The following CAPN5 variants were observed in gnomAD, a reference collection of about 807,000 sequenced individuals.
The protein encoded by CAPN5 is calpain-5.
In CAPN5, 54 loss-of-function variants were observed where a neutral mutation model predicts 73.0. The observed-to-expected ratio is 0.74, with a 90% CI of 0.59 to 0.93. The LOEUF is 0.93. Among genes scored for constraint, CAPN5 ranks in the 40% least tolerant of loss-of-function variants. The probability of loss-of-function intolerance (pLI) is 0.00; values close to 1 mark genes in which losing one functional copy is unlikely to be tolerated. For missense variants in CAPN5, 785 were observed against 882.9 expected (o/e 0.89, Z 1.41); for synonymous variants, 335 against 356.9 (o/e 0.94, Z 0.69).
intron 1 of CAPN5, chr11:77,073,188 T>A: frequency 9.3e-7 from 1 of 1,080,104 alleles, no homozygotes; most frequent in Non-Finnish European, 1.3e-6. Flanking sequence ...TTCCTGGATG[T>A]GGTTCTTTCA....
At chr11:77,117,568 T>C (rs1431765564) in intron 7 of CAPN5, among the ~76,000 whole-genome samples, 1 of 152,234 alleles carries the variant, frequency 6.6e-6, no homozygotes, top group East Asian at 1.9e-4. Flanking sequence ...TCCTTGCCTT[T>C]AGAAAGAGTT....
chr11:77,072,288 C>T (rs745978744), intron 1 of CAPN5, among the ~76,000 whole-genome samples: 2 of 152,212 alleles, frequency 1.3e-5, no homozygotes, highest in African/African-American at 2.4e-5. Context: ...TTTGAGATCC[C>T]GTTTTGTTGC....
At chr11:77,078,204 T>C (rs1028884658) in intron 1 of CAPN5, among the ~76,000 whole-genome samples, 7 of 152,228 alleles carry the variant, frequency 4.6e-5, no homozygotes, top group Non-Finnish European at 8.8e-5. Context: ...TCAGGTCTTA[T>C]ATTTAAGTCT....
chr11:77,097,470 T>TTTG (rs1224950979), intron 3 of CAPN5, among the ~76,000 whole-genome samples: 3 of 136,942 alleles, frequency 2.2e-5, no homozygotes, highest in South Asian at 2.3e-4. Context: ...TCTAGTTTTT[T>TTTG]TTTTTTTTTT....
chr11:77,101,253 T>G (rs1185657760), intron 3 of CAPN5, among the ~76,000 whole-genome samples: 3 of 152,110 alleles, frequency 2.0e-5, no homozygotes, highest in Admixed American at 6.5e-5. Flanking sequence ...CTTCCTACCC[T>G]CTCAGGACTG....
intron 3 of CAPN5, among the ~76,000 whole-genome samples, chr11:77,096,045 C>T (rs782624726): frequency 2.0e-5 from 3 of 151,362 alleles, no homozygotes; most frequent in African/African-American, 4.9e-5. Context: ...CTGCGCCTTC[C>T]GTCCCTCGTC....
chr11:77,085,265 C>A (rs1488517387), intron 2 of CAPN5, among the ~76,000 whole-genome samples: 1 of 152,170 alleles, frequency 6.6e-6, no homozygotes, highest in South Asian at 2.1e-4. Context: ...TGAGGCCCAG[C>A]CAGGCCTTCA....
At chr11:77,073,035 C>G in intron 1 of CAPN5, 1 of 1,273,046 alleles carries the variant, frequency 7.9e-7, no homozygotes, top group Non-Finnish European at 1.0e-6. Flanking sequence ...GCCCCCACCC[C>G]ACCCCGGGTG....
At chr11:77,074,775 C>G (rs2135409134) in intron 1 of CAPN5, among the ~76,000 whole-genome samples, 1 of 152,314 alleles carries the variant, frequency 6.6e-6, no homozygotes, top group Middle Eastern at 3.4e-3. Context: ...ACTCACTCTG[C>G]CAGGCCTGTG....
intron 2 of CAPN5, among the ~76,000 whole-genome samples, chr11:77,090,561 G>A (rs1484467377): frequency 2.0e-5 from 3 of 152,324 alleles, no homozygotes; most frequent in South Asian, 2.1e-4. Flanking sequence ...ACATCACTGC[G>A]CTGTCCTGGG....
At chr11:77,114,045 G>A (rs568172952) in intron 4 of CAPN5, among the ~76,000 whole-genome samples, 197 bp from the exon 5 acceptor site, 4 of 150,234 alleles carry the variant, frequency 2.7e-5, no homozygotes, top group Non-Finnish European at 4.4e-5. Context: ...GAGCCACTAA[G>A]GCTTAGGGGA....
intron 2 of CAPN5, among the ~76,000 whole-genome samples, chr11:77,088,740 GC>G (rs1950118300): frequency 6.6e-6 from 1 of 152,180 alleles, no homozygotes; most frequent in Admixed American, 6.5e-5. Flanking sequence ...TGCAGATATA[GC>G]CCAGGTGCCA....
intron 10 of CAPN5, among the ~76,000 whole-genome samples, chr11:77,121,569 C>G (rs1555042795): frequency 6.6e-6 from 1 of 152,252 alleles, no homozygotes; most frequent in African/African-American, 2.4e-5. Flanking sequence ...TTTGGGCAAG[C>G]CCTTCACCTG....
At chr11:77,118,828 C>A (rs949807972) in intron 8 of CAPN5, among the ~76,000 whole-genome samples, 3 of 152,204 alleles carry the variant, frequency 2.0e-5, no homozygotes, top group Non-Finnish European at 4.4e-5. Context: ...AGAGTGGCCA[C>A]CCTGGCATTG....
At chr11:77,100,671 C>G (rs1950274871) in intron 3 of CAPN5, among the ~76,000 whole-genome samples, 1 of 152,222 alleles carries the variant, frequency 6.6e-6, no homozygotes, top group Non-Finnish European at 1.5e-5. Flanking sequence ...GACTCCCACC[C>G]TCAGCCCACT....
intron 12 of CAPN5, among the ~76,000 whole-genome samples, chr11:77,123,339 C>T (rs1178480740): frequency 2.0e-5 from 3 of 152,170 alleles, no homozygotes; most frequent in African/African-American, 7.2e-5. Context: ...CTGTATGTCT[C>T]AGGGCTGGAA....
chr11:77,120,618 C>G, intron 9 of CAPN5, 95 bp from the exon 10 acceptor site: 1 of 754,866 alleles, frequency 1.3e-6, no homozygotes, highest in South Asian at 1.8e-5. Flanking sequence ...AAAGGGATTC[C>G]ATCGTCCCTT....
chr11:77,088,207 A>G, intron 2 of CAPN5: 1 of 1,029,714 alleles, frequency 9.7e-7, no homozygotes, highest in Non-Finnish European at 1.4e-6. Context: ...ATGAACAGAC[A>G]CTGGTTTTGG....
intron 1 of CAPN5, among the ~76,000 whole-genome samples, chr11:77,067,632 C>CGTGTGTGTGTGTGTGT (rs71043542): frequency 0.016 from 1,972 of 126,686 alleles, 38 homozygotes; most frequent in East Asian, 0.023. Context: ...GGCGGGCGCA[C>CGTGTGTGTGTGTGTGT]GTGTGTGTGT....
Sources: gnomAD v4.1 joint callset for allele counts (sites outside exome capture counted in the v4.1 genomes callset) on GRCh38, gnomAD v4.1.1 for gene constraint, MANE v1.5 for transcripts, NCBI Gene and HGNC (gene_info 2026-07-23, HGNC 2026-07-21) for gene names.